SLC25A26: variants seen among roughly 807,000 people sequenced by gnomAD.
SLC25A26 encodes the protein solute carrier family 25 member 26.
In SLC25A26, 36 loss-of-function variants were observed where a neutral mutation model predicts 37.8. That is an observed-to-expected ratio of 0.95 (90% CI 0.73 to 1.26). The LOEUF (loss-of-function observed/expected upper bound fraction) is 1.26, where lower values mean the gene tolerates loss of function less well. Among genes scored for constraint, SLC25A26 ranks in the 50% most tolerant of loss-of-function variants. The pLI is 0.00. For missense variants in SLC25A26, 390 were observed against 331.1 expected, an observed-to-expected ratio of 1.18 and a Z score of -1.38; for synonymous variants, 129 against 122.5, an observed-to-expected ratio of 1.05 and a Z score of -0.35.
chr3:66,295,665 AT>A (rs1399960015), intron 5 of SLC25A26, among the ~76,000 whole-genome samples: 1 of 151,456 alleles, frequency 6.6e-6, no homozygotes, highest in African/African-American at 2.4e-5. Flanking sequence ...CCTCCCGAAG[AT>A]TTTTTGTATT....
At chr3:66,300,555 T>A (rs2075047479) in intron 5 of SLC25A26, among the ~76,000 whole-genome samples, 1 of 152,160 alleles carries the variant, frequency 6.6e-6, no homozygotes, top group South Asian at 2.1e-4. Flanking sequence ...GGTGGTGGTG[T>A]CGCTGATGCT....
chr3:66,221,328 C>T (rs938559358), intron 1 of SLC25A26, among the ~76,000 whole-genome samples: 3 of 152,228 alleles, frequency 2.0e-5, no homozygotes, highest in South Asian at 2.1e-4. Context: ...ACTGCCAGGT[C>T]ATAAGAGCCA....
At chr3:66,253,957 C>T in intron 3 of SLC25A26, among the ~76,000 whole-genome samples, 1 of 152,144 alleles carries the variant, frequency 6.6e-6, no homozygotes, top group Admixed American at 6.5e-5. Flanking sequence ...GACACAGGGA[C>T]TAAGTGTTGA....
At chr3:66,234,713 A>G (rs974465417) in intron 1 of SLC25A26, among the ~76,000 whole-genome samples, 44 of 152,188 alleles carry the variant, frequency 2.9e-4, no homozygotes, top group African/African-American at 1.0e-3. Context: ...AGCAGATAGT[A>G]TTTGCTAGGT....
At chr3:66,158,065 C>T (rs2070308589) in intron 1 of SLC25A26, among the ~76,000 whole-genome samples, 1 of 152,102 alleles carries the variant, frequency 6.6e-6, no homozygotes, top group South Asian at 2.1e-4. Flanking sequence ...CAGAGAGTAC[C>T]CCTTGAATGT....
At chr3:66,315,652 T>A (rs189502901) in intron 5 of SLC25A26, among the ~76,000 whole-genome samples, 13 of 152,244 alleles carry the variant, frequency 8.5e-5, no homozygotes, top group Admixed American at 7.2e-4. Context: ...CAGAGCTGAG[T>A]TCAGGTCCTG....
intron 5 of SLC25A26, among the ~76,000 whole-genome samples, chr3:66,327,783 T>C (rs578138270): frequency 1.3e-5 from 2 of 152,304 alleles, no homozygotes; most frequent in East Asian, 1.9e-4. Flanking sequence ...TTTATGTACT[T>C]CCTAAATTTG....
chr3:66,140,096 G>T (rs1039828082), intron 1 of SLC25A26, among the ~76,000 whole-genome samples: 2 of 152,172 alleles, frequency 1.3e-5, no homozygotes, highest in Admixed American at 1.3e-4. Context: ...TGGCTGTCAG[G>T]TCTGTTCTCT....
chr3:66,199,435 C>T (rs2071083498), intron 1 of SLC25A26, among the ~76,000 whole-genome samples: 1 of 152,012 alleles, frequency 6.6e-6, no homozygotes, highest in Admixed American at 6.6e-5. Flanking sequence ...TTATCCTGGC[C>T]CTGACACTGA....
chr3:66,167,839 T>C (rs1211534184), intron 1 of SLC25A26, among the ~76,000 whole-genome samples: 1 of 152,176 alleles, frequency 6.6e-6, no homozygotes, highest in African/African-American at 2.4e-5. Context: ...CTCTGTGTTA[T>C]TTCAATATGG....
intron 6 of SLC25A26, among the ~76,000 whole-genome samples, chr3:66,354,408 G>A (rs1438657930): frequency 2.0e-5 from 3 of 152,274 alleles, no homozygotes; most frequent in African/African-American, 7.2e-5. Flanking sequence ...CTTTGTCATA[G>A]AAATCAGGGA....
At position 66,247,052 on chromosome 3, in the gene SLC25A26, G is replaced by A. The variant is rs536488400; in HGVS notation, c.300+3740G>A. ...AATTTTTTTTTGTATTTTTAGTAGA[G>A]ACGGGGTTTCACCATGTTAGCCAGG... On this transcript the variant is annotated intron_variant, in intron 3 of 9. Coordinates refer to ENST00000354883, the MANE Select transcript of SLC25A26 (RefSeq NM_001379210.1). 2.2e-3 allele frequency among the ~76,000 whole-genome samples: 331 copies of A among 151,864 alleles called. 1 individual carries two copies. Among genetic ancestry groups the A allele is most frequent in the Non-Finnish European group, 3.5e-3 (237 of 67,970 alleles).
At chr3:66,339,583 G>A (rs1476625433) in intron 5 of SLC25A26, among the ~76,000 whole-genome samples, 1 of 151,186 alleles carries the variant, frequency 6.6e-6, no homozygotes, top group Non-Finnish European at 1.5e-5. Flanking sequence ...TAAAGGGTGG[G>A]AGTTTGTATC....
chr3:66,240,279 G>T (rs1461597356), intron 2 of SLC25A26, among the ~76,000 whole-genome samples: 2 of 152,106 alleles, frequency 1.3e-5, no homozygotes, highest in African/African-American at 2.4e-5. Flanking sequence ...GTGCAGTTAT[G>T]ATTTAACACT....
chr3:66,184,720 A>C (rs2070793090), intron 1 of SLC25A26, among the ~76,000 whole-genome samples: 1 of 78,694 alleles, frequency 1.3e-5, no homozygotes, highest in Non-Finnish European at 2.7e-5. Context: ...TCTTGTGTCC[A>C]TGATCCTGCC....
At chr3:66,250,162 C>T (rs1337158937) in intron 3 of SLC25A26, among the ~76,000 whole-genome samples, 8 of 152,170 alleles carry the variant, frequency 5.3e-5, no homozygotes, top group Admixed American at 5.2e-4. Flanking sequence ...ATTATTTCCT[C>T]ACTTGTACAT....
intron 5 of SLC25A26, among the ~76,000 whole-genome samples, chr3:66,291,177 T>G (rs183916116): frequency 1.3e-5 from 2 of 152,328 alleles, no homozygotes; most frequent in Admixed American, 1.3e-4. Flanking sequence ...TTATCACTTT[T>G]TATTGTGTCT....
intron 1 of SLC25A26, among the ~76,000 whole-genome samples, chr3:66,186,206 A>C (rs1217380270): frequency 6.6e-6 from 1 of 151,484 alleles, no homozygotes; most frequent in Non-Finnish European, 1.5e-5. Context: ...TATCCTAAAC[A>C]TGACCCTCAC....
At chr3:66,280,895 T>A (rs1258395760) in intron 5 of SLC25A26, among the ~76,000 whole-genome samples, 1 of 152,172 alleles carries the variant, frequency 6.6e-6, no homozygotes, top group African/African-American at 2.4e-5. Flanking sequence ...CTACTTCTCA[T>A]AACTACAATG....
Sources: gnomAD v4.1 joint callset for allele counts (sites outside exome capture counted in the v4.1 genomes callset) on GRCh38, gnomAD v4.1.1 for gene constraint, MANE v1.5 for transcripts, NCBI Gene and HGNC (gene_info 2026-07-23, HGNC 2026-07-21) for gene names.